CNOT4: variants seen among roughly 807,000 people sequenced by gnomAD.
CNOT4 encodes CCR4-NOT transcription complex subunit 4, also known as CCR4-associated factor 4.
In CNOT4, 8 loss-of-function variants were observed where a neutral mutation model predicts 73.8. The observed-to-expected ratio is 0.11, with a 90% CI of 0.06 to 0.20. The LOEUF (loss-of-function observed/expected upper bound fraction) is 0.20, where lower values mean the gene tolerates loss of function less well. Among genes scored for constraint, CNOT4 ranks in the 10% least tolerant of loss-of-function variants. The pLI is 1.00. For missense variants in CNOT4, 564 were observed against 883.4 expected, an observed-to-expected ratio of 0.64 and a Z score of 4.58; for synonymous variants, 293 against 321.1, an observed-to-expected ratio of 0.91 and a Z score of 0.94.
chr7:135,413,702 C>A, intron 5 of CNOT4, 89 bp from the exon 6 acceptor site: 1 of 1,335,884 alleles, frequency 7.5e-7, no homozygotes, highest in South Asian at 1.4e-5. Context: ...TTTCAAGTCA[C>A]CTAAAATGAG....
chr7:135,424,912 C>T (rs1380865842), intron 2 of CNOT4, among the ~76,000 whole-genome samples: 2 of 152,206 alleles, frequency 1.3e-5, no homozygotes, highest in Non-Finnish European at 2.9e-5. Context: ...ACATGGATTG[C>T]TCCTAGTTTT....
chr7:135,477,791 T>C (rs1802090516), intron 1 of CNOT4, among the ~76,000 whole-genome samples: 1 of 152,204 alleles, frequency 6.6e-6, no homozygotes, highest in Non-Finnish European at 1.5e-5. Context: ...ACTCATTCTA[T>C]AAAACTTGAT....
intron 1 of CNOT4, among the ~76,000 whole-genome samples, chr7:135,466,753 C>A (rs955932890): frequency 6.6e-6 from 1 of 152,118 alleles, no homozygotes; most frequent in African/African-American, 2.4e-5. Flanking sequence ...TTTTACTATA[C>A]CTTTTTCATG....
At chr7:135,448,689 A>G (rs1252716492) in intron 1 of CNOT4, among the ~76,000 whole-genome samples, 1 of 152,218 alleles carries the variant, frequency 6.6e-6, no homozygotes, top group Admixed American at 6.5e-5. Context: ...CCAAAGAACT[A>G]AAGGATACCA....
At chr7:135,505,337 G>A (rs930626599) in intron 1 of CNOT4, among the ~76,000 whole-genome samples, 25 of 152,094 alleles carry the variant, frequency 1.6e-4, no homozygotes, top group Admixed American at 8.5e-4. Context: ...GGCAGATCAC[G>A]AGGTCAGCAG....
chr7:135,484,767 A>G (rs1290947793), intron 1 of CNOT4, among the ~76,000 whole-genome samples: 1 of 152,044 alleles, frequency 6.6e-6, no homozygotes. Context: ...AAAAAAAAAA[A>G]AAATCAAAAA....
At chr7:135,405,265 C>T (rs1797216304) in intron 7 of CNOT4, among the ~76,000 whole-genome samples, 1 of 152,136 alleles carries the variant, frequency 6.6e-6, no homozygotes, top group East Asian at 1.9e-4. Flanking sequence ...ATTCCACCCT[C>T]GCTCCACCTA....
At position 135,364,250 on chromosome 7, in the gene CNOT4, A is replaced by C. The variant is rs1028994878; in HGVS notation, c.1628-184T>G. ...TTTGCTCGTGAGCTCAGAGCCCCTG[A>C]AGTGAGGAAAAACTTGCTCAAGGAT... is the stretch of plus-strand genomic sequence containing the variant. On this transcript the variant is annotated intron_variant, in intron 10 of 11. Transcript: ENST00000541284. This position sits in a 1 kb window ranked among gnomAD's most constrained non-coding sequence, Gnocchi z 4.3. 1.3e-5 allele frequency among the ~76,000 whole-genome samples: 2 copies of C among 152,194 alleles called. No individual in the cohort carries two copies.
In CNOT4 at chr7:135,393,947, T is replaced by C. The variant is rs1796533796; in HGVS notation, c.1598A>G (p.Asn533Ser). The C allele has an allele frequency of 6.2e-7, 1 of 1,613,286 alleles. No homozygotes were observed. Among genetic ancestry groups the C allele is most frequent in the African/African-American group, 1.3e-5 (1 of 74,906 alleles). Reference sequence around the variant, plus strand: ...TACAGGGATCCCTCCCAGACCTGTGTTGTGCTGTGGCGGGAGATTCAAGTC... The same window carrying C: ...TACAGGGATCCCTCCCAGACCTGTGCTGTGCTGTGGCGGGAGATTCAAGTC... ...FLDLNLPPQH[N>S]TGLGGIPVAD... Residue 533 changes from asparagine (N) to serine (S), a missense_variant, in exon 10 of 12, where the codon AAC becomes AGC. Asn to Ser is a conservative substitution (Grantham distance 46). Around this residue, in one of 10 missense-constraint regions of CNOT4, gnomAD observed 153 missense variants for 158.7 expected, o/e 0.96. Transcript: ENST00000541284.
chr7:135,472,974 G>C (rs963481554), intron 1 of CNOT4, among the ~76,000 whole-genome samples: 1 of 151,912 alleles, frequency 6.6e-6, no homozygotes, highest in Non-Finnish European at 1.5e-5. Flanking sequence ...CCGGGAGGCC[G>C]AGGGTGCAGT....
chr7:135,457,189 G>A (rs1408713177), intron 1 of CNOT4, among the ~76,000 whole-genome samples: 3 of 151,908 alleles, frequency 2.0e-5, no homozygotes, highest in African/African-American at 7.2e-5. Flanking sequence ...AAATACTAGA[G>A]AGAGAAAAGA....
chr7:135,507,896 A>G (rs1804479751), intron 1 of CNOT4, among the ~76,000 whole-genome samples: 1 of 152,244 alleles, frequency 6.6e-6, no homozygotes, highest in African/African-American at 2.4e-5. Flanking sequence ...AGTTTGCTAT[A>G]TAAATTGCTT....
intron 1 of CNOT4, among the ~76,000 whole-genome samples, chr7:135,472,194 C>G (rs1195786144): frequency 6.8e-6 from 1 of 147,332 alleles, no homozygotes; most frequent in East Asian, 2.0e-4. Context: ...TATAAATATA[C>G]AGGCTGGGCG....
At chr7:135,407,272 T>C (rs920206704) in intron 7 of CNOT4, among the ~76,000 whole-genome samples, 1 of 152,226 alleles carries the variant, frequency 6.6e-6, no homozygotes, top group African/African-American at 2.4e-5. Context: ...CTCAAGTATT[T>C]CTTTATAGCA....
At chr7:135,457,927 T>G (rs537106045) in intron 1 of CNOT4, among the ~76,000 whole-genome samples, 1 of 152,256 alleles carries the variant, frequency 6.6e-6, no homozygotes, top group South Asian at 2.1e-4. Context: ...ATTTCTCCTT[T>G]GTGTAAATCA....
At chr7:135,450,742 T>C (rs1800109537) in intron 1 of CNOT4, among the ~76,000 whole-genome samples, 1 of 152,148 alleles carries the variant, frequency 6.6e-6, no homozygotes, top group African/African-American at 2.4e-5. Context: ...ATAACAACAA[T>C]GTCTGTCTAA....
chr7:135,384,805 G>A, intron 10 of CNOT4: 2 of 739,070 alleles, frequency 2.7e-6, no homozygotes, highest in South Asian at 2.8e-5. Flanking sequence ...CATCTAGTTA[G>A]CATCTTGTTT....
At chr7:135,502,602 G>A (rs567998873) in intron 1 of CNOT4, among the ~76,000 whole-genome samples, 1 of 152,180 alleles carries the variant, frequency 6.6e-6, no homozygotes, top group African/African-American at 2.4e-5. Context: ...ATCACCTGAG[G>A]TCAGGAGTTC....
chr7:135,483,199 C>A (rs2551761), intron 1 of CNOT4, among the ~76,000 whole-genome samples: 1 of 149,174 alleles, frequency 6.7e-6, no homozygotes, highest in African/African-American at 2.5e-5. Context: ...AAAAAAAAAT[C>A]AGCTGCCACA....
Sources: allele counts gnomAD v4.1 joint callset (sites outside exome capture counted in the v4.1 genomes callset), GRCh38; gene constraint gnomAD v4.1.1; regional missense constraint gnomAD v4.1.1; non-coding constraint Gnocchi (gnomAD v3.1); transcripts MANE v1.5; gene names NCBI Gene and HGNC (gene_info 2026-07-23, HGNC 2026-07-21).